BRINP3: variants seen among roughly 807,000 people sequenced by gnomAD.
The protein encoded by BRINP3 is BMP/retinoic acid inducible neural specific 3.
A neutral mutation model predicts 71.0 loss-of-function variants in BRINP3; 19 were observed. That is an observed-to-expected ratio of 0.27 (90% CI 0.19 to 0.39). The LOEUF (loss-of-function observed/expected upper bound fraction) is 0.39, where lower values mean the gene tolerates loss of function less well. BRINP3 is among the 10% of genes least tolerant of loss of function. The pLI is 1.00. For synonymous variants in BRINP3, 380 were observed against 337.7 expected (o/e 1.13, Z -1.37); for missense variants, 959 against 940.8 (o/e 1.02, Z -0.25).
intron 2 of BRINP3, among the ~76,000 whole-genome samples, chr1:190,369,330 T>C (rs1337913040): frequency 6.6e-6 from 1 of 152,102 alleles, no homozygotes; most frequent in Non-Finnish European, 1.5e-5. Context: ...AACTATGAGA[T>C]AATAGTTGAA....
chr1:190,288,859 T>C (rs957881380), intron 2 of BRINP3, among the ~76,000 whole-genome samples: 1 of 151,906 alleles, frequency 6.6e-6, no homozygotes, highest in Non-Finnish European at 1.5e-5. Flanking sequence ...TTGTTCCAGG[T>C]ATAGACTAAT....
At chr1:190,297,109 A>G (rs1053655246) in intron 2 of BRINP3, among the ~76,000 whole-genome samples, 2 of 152,076 alleles carry the variant, frequency 1.3e-5, no homozygotes, top group Non-Finnish European at 2.9e-5. Context: ...CAATATTAAA[A>G]AAACCCCAGC....
At chr1:190,188,586 C>T (rs529623954) in intron 6 of BRINP3, among the ~76,000 whole-genome samples, 18 of 151,828 alleles carry the variant, frequency 1.2e-4, no homozygotes, top group African/African-American at 4.1e-4. Context: ...TTGTCAAATG[C>T]ACCTTCTGCA....
intron 2 of BRINP3, among the ~76,000 whole-genome samples, chr1:190,332,130 A>T (rs1007208054): frequency 6.6e-6 from 1 of 152,066 alleles, no homozygotes; most frequent in Non-Finnish European, 1.5e-5. Context: ...TTTTGTTCAC[A>T]AATTAAATAC....
intron 2 of BRINP3, among the ~76,000 whole-genome samples, chr1:190,317,957 T>A (rs545825574): frequency 1.3e-5 from 2 of 152,242 alleles, no homozygotes; most frequent in East Asian, 3.9e-4. Flanking sequence ...AATTCGTGTG[T>A]AAGCATAATC....
At chr1:190,368,104 A>C (rs1345037423) in intron 2 of BRINP3, among the ~76,000 whole-genome samples, 1 of 152,154 alleles carries the variant, frequency 6.6e-6, no homozygotes, top group Non-Finnish European at 1.5e-5. Context: ...TTACACTGCT[A>C]ATAAAGACAT....
chr1:190,197,307 G>A (rs1359557740), intron 6 of BRINP3, among the ~76,000 whole-genome samples: 1 of 152,034 alleles, frequency 6.6e-6, no homozygotes, highest in Non-Finnish European at 1.5e-5. Flanking sequence ...TCAGCACCTG[G>A]CCCCTACCAA....
intron 1 of BRINP3, among the ~76,000 whole-genome samples, chr1:190,464,671 T>G (rs2102678221): frequency 6.6e-6 from 1 of 152,126 alleles, no homozygotes; most frequent in Middle Eastern, 3.4e-3. Context: ...TATATTAATG[T>G]GCTAGCAATG....
intron 2 of BRINP3, among the ~76,000 whole-genome samples, chr1:190,382,050 C>T (rs568723471): frequency 2.6e-5 from 4 of 151,982 alleles, no homozygotes; most frequent in Non-Finnish European, 5.9e-5. Context: ...TTGGAGCAAA[C>T]GTGTGGCTAT....
chr1:190,254,417 C>G (rs900364656), intron 4 of BRINP3, among the ~76,000 whole-genome samples: 1 of 151,688 alleles, frequency 6.6e-6, no homozygotes, highest in Non-Finnish European at 1.5e-5. Flanking sequence ...ATGGAATGTT[C>G]TTCCATTGGT....
intron 2 of BRINP3, among the ~76,000 whole-genome samples, chr1:190,421,035 G>A (rs1362190059): frequency 6.6e-6 from 1 of 151,578 alleles, no homozygotes; most frequent in African/African-American, 2.4e-5. Flanking sequence ...TGAAAAGAAT[G>A]ACACATATAT....
chr1:190,373,371 C>T (rs1453147027), intron 2 of BRINP3, among the ~76,000 whole-genome samples: 3 of 151,084 alleles, frequency 2.0e-5, no homozygotes, highest in African/African-American at 7.3e-5. Flanking sequence ...GCCTGGGCAA[C>T]AGAGTGATAC....
intron 2 of BRINP3, among the ~76,000 whole-genome samples, chr1:190,417,518 A>G (rs996920511): frequency 3.3e-5 from 5 of 152,102 alleles, no homozygotes; most frequent in African/African-American, 7.2e-5. Flanking sequence ...TGTTGTTTTA[A>G]TACTTCCCAG....
chr1:190,237,633 T>C (rs572731069), intron 4 of BRINP3, among the ~76,000 whole-genome samples: 19 of 152,088 alleles, frequency 1.2e-4, no homozygotes, highest in African/African-American at 4.3e-4. Flanking sequence ...ATGAAAATGG[T>C]TGAGACTAGG....
chr1:190,450,828 C>T (rs543783079), intron 2 of BRINP3, among the ~76,000 whole-genome samples: 8 of 151,850 alleles, frequency 5.3e-5, no homozygotes, highest in Non-Finnish European at 1.2e-4. Context: ...TATAAAGAAA[C>T]ACTTATTCAA....
At chr1:190,267,483 GAA>G (rs1661754442) in intron 3 of BRINP3, among the ~76,000 whole-genome samples, 1 of 151,780 alleles carries the variant, frequency 6.6e-6, no homozygotes, top group South Asian at 2.1e-4. Context: ...ACTGCTGAGA[GAA>G]ATATCTATAA....
At chr1:190,372,429 A>T (rs1332541986) in intron 2 of BRINP3, among the ~76,000 whole-genome samples, 4 of 152,188 alleles carry the variant, frequency 2.6e-5, no homozygotes, top group African/African-American at 9.7e-5. Context: ...CAGCTGGGTG[A>T]TTATAGACAG....
chr1:190,437,674 T>C (rs986584386), intron 2 of BRINP3, among the ~76,000 whole-genome samples: 1 of 151,806 alleles, frequency 6.6e-6, no homozygotes, highest in Admixed American at 6.6e-5. Context: ...GAAAAGTAAA[T>C]ATTCAACAAT....
chr1:190,352,386 T>G (rs1668446485), intron 2 of BRINP3, among the ~76,000 whole-genome samples: 1 of 152,006 alleles, frequency 6.6e-6, no homozygotes, highest in African/African-American at 2.4e-5. Flanking sequence ...TAGAAGAGTT[T>G]AATGTTTGGT....
Sources: gnomAD v4.1 joint callset for allele counts (sites outside exome capture counted in the v4.1 genomes callset) on GRCh38, gnomAD v4.1.1 for gene constraint, MANE v1.5 for transcripts, NCBI Gene and HGNC (gene_info 2026-07-23, HGNC 2026-07-21) for gene names.